The following CCDC91 variants were observed in gnomAD, a reference collection of about 807,000 sequenced individuals.
CCDC91 encodes coiled-coil domain-containing protein 91.
CCDC91 carries 48 observed loss-of-function variants against 63.2 expected under a neutral mutation model. The observed-to-expected ratio is 0.76, with a 90% confidence interval of 0.60 to 0.97. The LOEUF is 0.97. Ranked by LOEUF, CCDC91 falls within the 50% of genes least tolerant of loss-of-function variation. The pLI is 0.00. For synonymous variants in CCDC91, 167 were observed against 165.8 expected (o/e 1.01, Z -0.06); for missense variants, 500 against 494.6 (o/e 1.01, Z -0.10).
chr12:28,354,850 A>G (rs1943419815), intron 6 of CCDC91, among the ~76,000 whole-genome samples: 1 of 152,122 alleles, frequency 6.6e-6, no homozygotes, highest in Non-Finnish European at 1.5e-5. Context: ...GTGTATATAT[A>G]GGTTACAGGC....
At chr12:28,294,896 C>T (rs1430950333) in intron 3 of CCDC91, among the ~76,000 whole-genome samples, 1 of 152,060 alleles carries the variant, frequency 6.6e-6, no homozygotes, top group Non-Finnish European at 1.5e-5. Context: ...AAACCTGCTT[C>T]TTTATACATT....
chr12:28,358,346 T>C (rs1943654343), intron 6 of CCDC91, among the ~76,000 whole-genome samples: 1 of 152,212 alleles, frequency 6.6e-6, no homozygotes, highest in East Asian at 1.9e-4. Flanking sequence ...TGATGTAAAA[T>C]AGTTCTGCTC....
chr12:28,290,144 G>T (rs1949153422), intron 3 of CCDC91, among the ~76,000 whole-genome samples: 1 of 152,074 alleles, frequency 6.6e-6, no homozygotes, highest in Admixed American at 6.5e-5. Context: ...GGGAGTCTAA[G>T]GCTCTTTGAA....
At chr12:28,394,115 C>T (rs1434920606) in intron 8 of CCDC91, among the ~76,000 whole-genome samples, 1 of 151,940 alleles carries the variant, frequency 6.6e-6, no homozygotes, top group Non-Finnish European at 1.5e-5. Flanking sequence ...TGAAGAACAC[C>T]CCAGGACGTT....
intron 1 of CCDC91, among the ~76,000 whole-genome samples, chr12:28,201,193 G>A (rs879102354): frequency 4.0e-5 from 6 of 149,842 alleles, no homozygotes; most frequent in Admixed American, 2.7e-4. Context: ...CTTCCCAGAC[G>A]GGGTGACTGC....
intron 3 of CCDC91, among the ~76,000 whole-genome samples, chr12:28,290,914 A>G (rs1430421627): frequency 6.6e-6 from 1 of 152,138 alleles, no homozygotes; most frequent in Admixed American, 6.5e-5. Context: ...GTTTATCAAG[A>G]GGTATAACTT....
intron 6 of CCDC91, among the ~76,000 whole-genome samples, chr12:28,332,911 T>G (rs1941626607): frequency 6.6e-6 from 1 of 152,084 alleles, no homozygotes; most frequent in South Asian, 2.1e-4. Context: ...AGGCAGCACC[T>G]TACTACTATG....
At chr12:28,490,534 C>G (rs1003363848) in intron 12 of CCDC91, among the ~76,000 whole-genome samples, 2 of 151,710 alleles carry the variant, frequency 1.3e-5, no homozygotes, top group African/African-American at 4.8e-5. Flanking sequence ...GAAAAATAAC[C>G]AGTACTAACC....
At chr12:28,386,653 C>T (rs928123777) in intron 7 of CCDC91, among the ~76,000 whole-genome samples, 14 of 152,316 alleles carry the variant, frequency 9.2e-5, no homozygotes, top group African/African-American at 2.6e-4. Context: ...AGGCGTGAGC[C>T]ACTCTGCCCA....
At chr12:28,301,417 A>G (rs550206790) in intron 3 of CCDC91, among the ~76,000 whole-genome samples, 70 of 151,510 alleles carry the variant, frequency 4.6e-4, no homozygotes, top group African/African-American at 1.5e-3. Flanking sequence ...AGTAAGTTCT[A>G]TTGGTTCATT....
intron 1 of CCDC91, chr12:28,236,177 TTAA>T (rs1359597097): frequency 2.6e-5 from 4 of 152,068 alleles, no homozygotes; most frequent in African/African-American, 7.2e-5. Context: ...ATGAACATAA[TTAA>T]TGATGATGTT....
At chr12:28,283,105 A>G (rs1317219044) in intron 3 of CCDC91, among the ~76,000 whole-genome samples, 5 of 151,934 alleles carry the variant, frequency 3.3e-5, no homozygotes, top group Non-Finnish European at 5.9e-5. Flanking sequence ...TGTTTTGGTT[A>G]CTATAGCCTT....
chr12:28,290,436 T>TTTTC, intron 3 of CCDC91, among the ~76,000 whole-genome samples: 3 of 152,162 alleles, frequency 2.0e-5, no homozygotes, highest in African/African-American at 7.2e-5. Context: ...CAGCATACCA[T>TTTTC]TAGGTCTTTG....
chr12:28,224,429 G>C (rs1265245534), intron 1 of CCDC91, among the ~76,000 whole-genome samples: 2 of 152,078 alleles, frequency 1.3e-5, no homozygotes, highest in Non-Finnish European at 2.9e-5. Flanking sequence ...ACTGGTATAG[G>C]GGGGAGTATT....
Position 28,354,918 on chromosome 12 carries a change from A to G in CCDC91, c.577-7520A>G, listed in dbSNP as rs139319874. 4.6e-5 allele frequency among the ~76,000 whole-genome samples: 7 copies of G among 152,210 alleles called. No homozygotes were observed. In the East Asian group the frequency reaches 1.4e-3, roughly 29 times the overall value. ...TTCTTGCTGTAACCACAAAGTAGGG[A>G]GGATTTGTTGTAATTGTCCCATACA... On this transcript the variant is annotated intron_variant, in intron 6 of 12. Coordinates refer to ENST00000536442, the MANE Select transcript of CCDC91 (RefSeq NM_018318.5).
intron 12 of CCDC91, among the ~76,000 whole-genome samples, chr12:28,514,610 TAA>T (rs1939733893): frequency 6.6e-6 from 1 of 152,040 alleles, no homozygotes; most frequent in African/African-American, 2.4e-5. Context: ...CCAGGGTTTT[TAA>T]AGTTTTGAGT....
intron 6 of CCDC91, among the ~76,000 whole-genome samples, chr12:28,330,604 G>A (rs1356810735): frequency 6.6e-6 from 1 of 152,146 alleles, no homozygotes; most frequent in Admixed American, 6.5e-5. Flanking sequence ...CCGTGCAGAA[G>A]CTCTTTAGTT....
intron 12 of CCDC91, among the ~76,000 whole-genome samples, chr12:28,548,365 G>C (rs1159764564): frequency 6.6e-6 from 1 of 152,038 alleles, no homozygotes; most frequent in African/African-American, 2.4e-5. Context: ...TGTCTCCTGG[G>C]TTCAATAAAT....
chr12:28,299,854 C>A (rs1937856771), intron 3 of CCDC91, among the ~76,000 whole-genome samples: 1 of 150,912 alleles, frequency 6.6e-6, no homozygotes, highest in South Asian at 2.1e-4. Flanking sequence ...CCTTTTTTTC[C>A]CTCTAGGTTT....
Sources: allele counts gnomAD v4.1 joint callset (sites outside exome capture counted in the v4.1 genomes callset), GRCh38; gene constraint gnomAD v4.1.1; transcripts MANE v1.5; gene names NCBI Gene and HGNC (gene_info 2026-07-23, HGNC 2026-07-21).